The following ARHGEF12 variants were observed in gnomAD, a reference collection of about 807,000 sequenced individuals.
ARHGEF12 encodes KMT2A/ARHGEF12 fusion protein.
ARHGEF12 carries 66 observed loss-of-function variants against 211.2 expected under a neutral mutation model. The observed-to-expected ratio is 0.31, with a 90% CI of 0.26 to 0.38. The LOEUF (loss-of-function observed/expected upper bound fraction) is 0.38. Among genes scored for constraint, ARHGEF12 ranks in the 10% least tolerant of loss-of-function variants. ARHGEF12 has a pLI of 1.00. For synonymous variants in ARHGEF12, 592 were observed against 638.4 expected, an observed-to-expected ratio of 0.93 and a Z score of 1.09; for missense variants, 1,429 against 1,869.5, an observed-to-expected ratio of 0.76 and a Z score of 4.34.
intron 13 of ARHGEF12, 97 bp from the exon 14 acceptor site, chr11:120,441,610 T>C (rs1945870244): frequency 1.1e-6 from 1 of 886,006 alleles, no homozygotes; most frequent in Non-Finnish European, 1.7e-6. Flanking sequence ...TATAGGGAGA[T>C]CAAAGTGAAA....
In ARHGEF12 at chr11:120,451,497, T is replaced by A; in HGVS notation, c.1844-15T>A. ...CAGCCGCAATACAGATTATTAACCATCATTTTCTGATCAGTTGGCAGAGCC... is the reference window on the plus strand; with the variant it reads ...CAGCCGCAATACAGATTATTAACCAACATTTTCTGATCAGTTGGCAGAGCC... On this transcript the variant is annotated splice_polypyrimidine_tract_variant and intron_variant, in intron 21 of 40. Coordinates refer to ENST00000397843, the MANE Select transcript of ARHGEF12 (RefSeq NM_015313.3). The A allele has an allele frequency of 6.2e-7, 1 of 1,613,322 alleles. No individual in the cohort carries two copies. Among genetic ancestry groups the A allele is most frequent in the Non-Finnish European group, 8.5e-7 (1 of 1,179,788 alleles).
Position 120,336,908 on chromosome 11 carries a change from C to T in ARHGEF12, c.-336C>T, listed in dbSNP as rs1942366755. 2 of 427,832 alleles carry T rather than the reference C, an allele frequency of 4.7e-6. No individual in the cohort carries two copies. Among genetic ancestry groups the T allele is most frequent in the African/African-American group, 2.0e-5 (1 of 48,988 alleles). 26.5% of individuals were successfully genotyped at this position (427,832 alleles called of 1,614,324 possible). On this transcript the variant is annotated 5_prime_UTR_variant, in exon 1 of 41. Coordinates refer to ENST00000397843, the MANE Select transcript of ARHGEF12 (RefSeq NM_015313.3). Reference sequence around the variant, plus strand: ...TGAGCTGATCCCGCCCCAGCCCCGGCGGGAGTCCCGGGTCCCCTTCCCACT... The same window carrying T: ...TGAGCTGATCCCGCCCCAGCCCCGGTGGGAGTCCCGGGTCCCCTTCCCACT...
rs1947388675 is a variant in ARHGEF12, at chr11:120,486,030, G to A, written c.*953G>A. 9.8e-6 allele frequency: 2 copies of A among 205,086 alleles called. No individual in the cohort carries two copies. Among genetic ancestry groups the A allele is most frequent in the Admixed American group, 6.0e-5 (1 of 16,758 alleles). 12.7% of individuals were successfully genotyped at this position (205,086 alleles called of 1,614,324 possible). A position where few individuals can be genotyped will look rare whatever the true frequency, so the allele number is the denominator to read the frequency against. ...ACTGTCCCTGCAGATTGAGCAGGAA[G>A]TAAAAACAAATGGAAATGCTTCGGA... On this transcript the variant is annotated 3_prime_UTR_variant, in exon 41 of 41. Transcript: ENST00000397843.
At chr11:120,339,684 C>T (rs1349290615) in intron 1 of ARHGEF12, among the ~76,000 whole-genome samples, 1 of 152,132 alleles carries the variant, frequency 6.6e-6, no homozygotes, top group Non-Finnish European at 1.5e-5. Context: ...TGAAATCAGA[C>T]TAGCTGGTTT....
intron 1 of ARHGEF12, among the ~76,000 whole-genome samples, chr11:120,395,798 C>T (rs1316906884): frequency 2.6e-5 from 4 of 152,040 alleles, no homozygotes; most frequent in Non-Finnish European, 4.4e-5. Flanking sequence ...CCCACCAGGT[C>T]CCTCCCACAC....
At chr11:120,390,008 C>T (rs1027344361) in intron 1 of ARHGEF12, among the ~76,000 whole-genome samples, 6 of 152,148 alleles carry the variant, frequency 3.9e-5, no homozygotes, top group African/African-American at 1.2e-4. Flanking sequence ...GATAACCCTT[C>T]GATATCCAGG....
chr11:120,403,057 A>G (rs909656325), intron 1 of ARHGEF12, among the ~76,000 whole-genome samples: 2 of 152,204 alleles, frequency 1.3e-5, no homozygotes, highest in Non-Finnish European at 2.9e-5. Context: ...CTACACTGTA[A>G]TAACACATCG....
Position 120,481,483 on chromosome 11 carries a change from T to A in ARHGEF12, c.4461T>A (p.Cys1487Ter), listed in dbSNP as rs572010079. 6.2e-7 allele frequency: 1 copy of A among 1,614,182 alleles called. No individual in the cohort carries two copies. Among genetic ancestry groups the A allele is most frequent in the Non-Finnish European group, 8.5e-7 (1 of 1,180,030 alleles). Residue 1487 changes from cysteine (C) to a stop codon, truncating the protein, a stop_gained, in exon 39 of 41, where the codon TGT (cysteine) becomes TGA (stop). Transcript: ENST00000397843. LOFTEE classifies it high-confidence loss of function. ...GCTGGGGAGCTATGGAGTATTCCTG[T>A]TTTGAGATCCAGAGTCCCTCCTCTT... ...QQRWGAMEYS[C>*]FEIQSPSSCA...
At chr11:120,465,201 C>T (rs1183855129) in intron 27 of ARHGEF12, 36 bp from the exon 28 acceptor site, 1 of 1,611,364 alleles carries the variant, frequency 6.2e-7, no homozygotes, top group Non-Finnish European at 8.5e-7. Flanking sequence ...GCTCAGTTTC[C>T]CATTCTCTTT....
chr11:120,469,988 C>A (rs1049585605), intron 30 of ARHGEF12, among the ~76,000 whole-genome samples: 1 of 151,992 alleles, frequency 6.6e-6, no homozygotes, highest in African/African-American at 2.4e-5. Context: ...AAAGTCCTGA[C>A]GGAAAAAGAA....
chr11:120,375,714 A>G lies in ARHGEF12; in HGVS notation c.33-30404A>G, dbSNP rs11823323. On this transcript the variant is annotated intron_variant, in intron 1 of 40. Coordinates refer to ENST00000397843, the MANE Select transcript of ARHGEF12 (RefSeq NM_015313.3). ...CATTTGTTACTGAACCAGTGTTAAC[A>G]TTAATATTAATTAAAGTCTGTAGTT... Among the ~76,000 whole-genome samples the G allele has an allele frequency of 6.2e-3, 943 of 152,254 alleles. 8 individuals are homozygous for G. Among genetic ancestry groups the G allele is most frequent in the African/African-American group, 0.022 (896 of 41,542 alleles).
In ARHGEF12 at chr11:120,435,613, C is replaced by T. The variant is rs1377251185; in HGVS notation, c.925-1695C>T. On this transcript the variant is annotated intron_variant, in intron 11 of 40. Coordinates refer to ENST00000397843, the MANE Select transcript of ARHGEF12 (RefSeq NM_015313.3). ...CACTGCAACCTCCGCCTCCCGGGTT[C>T]GTGCCATTCTCCTGCCTCAGCCTTC... 3.4e-5 allele frequency among the ~76,000 whole-genome samples: 5 copies of T among 147,812 alleles called. 1 individual carries two copies. The highest frequency in any genetic ancestry group is 2.1e-4 in the Admixed American group (3 of 14,424).
chr11:120,481,044 T>C (rs948195954), intron 38 of ARHGEF12, among the ~76,000 whole-genome samples: 6 of 152,172 alleles, frequency 3.9e-5, no homozygotes, highest in Non-Finnish European at 8.8e-5. Flanking sequence ...CTTTAAACTT[T>C]TGAAATGAAA....
At chr11:120,483,258 CTTTTTTT>C (rs777120176) in intron 39 of ARHGEF12, among the ~76,000 whole-genome samples, 1 of 97,504 alleles carries the variant, frequency 1.0e-5, no homozygotes, top group African/African-American at 4.0e-5. Context: ...CCATAATAAT[CTTTTTTT>C]TTTTTTTTTT....
At chr11:120,389,832 T>C (rs934772485) in intron 1 of ARHGEF12, among the ~76,000 whole-genome samples, 1 of 152,186 alleles carries the variant, frequency 6.6e-6, no homozygotes, top group Non-Finnish European at 1.5e-5. Context: ...TCCATTTCCA[T>C]CCATCTTGTT....
intron 12 of ARHGEF12, chr11:120,438,465 G>A (rs1317136169): frequency 6.6e-6 from 1 of 151,904 alleles, no homozygotes. Context: ...TTTTTTTTTG[G>A]AATATTAAAG....
In ARHGEF12 at chr11:120,449,158, G is replaced by T; in HGVS notation, c.1787G>T (p.Gly596Val). 1 of 1,614,110 alleles carries T rather than the reference G, an allele frequency of 6.2e-7. No homozygotes were observed. Among genetic ancestry groups the T allele is most frequent in the Non-Finnish European group, 8.5e-7 (1 of 1,180,000 alleles). Residue 596 changes from glycine (G) to valine (V), a missense_variant, in exon 21 of 41, where the codon GGA becomes GTA. Transcript: ENST00000397843. ...GGGGAAGAAAAAGGGAAGCGAAGAGGATTCCCCAGCATCCTGGGACCCCCA... is the reference window on the plus strand; with the variant it reads ...GGGGAAGAAAAAGGGAAGCGAAGAGTATTCCCCAGCATCCTGGGACCCCCA... ...KEGEEKGKRRGFPSILGPPRR... is the reference protein window; with the variant it reads ...KEGEEKGKRRVFPSILGPPRR...
chr11:120,457,611 A>G lies in ARHGEF12; in HGVS notation c.2190-110A>G, dbSNP rs1405146890. On this transcript the variant is annotated intron_variant, in intron 23 of 40. Coordinates refer to ENST00000397843, the MANE Select transcript of ARHGEF12 (RefSeq NM_015313.3). ...ATATTAAATTATTACAATATCCCAA[A>G]GAATTATTTATCAAGCTGCTGGAGT... 4.5e-5 allele frequency: 32 copies of G among 713,250 alleles called. No homozygotes were observed. In the East Asian group the frequency reaches 6.6e-4, roughly 15 times the overall value. 44.2% of individuals were successfully genotyped at this position (713,250 alleles called of 1,614,324 possible). A position where few individuals can be genotyped will look rare whatever the true frequency, so the allele number is the denominator to read the frequency against.
intron 16 of ARHGEF12, among the ~76,000 whole-genome samples, 164 bp from the exon 17 acceptor site, chr11:120,446,233 ATAATAG>A: frequency 7.0e-6 from 1 of 143,662 alleles, no homozygotes. Context: ...AATAATAATA[ATAATAG>A]AGTAAATGAA....
Sources: allele counts gnomAD v4.1 joint callset (sites outside exome capture counted in the v4.1 genomes callset), GRCh38; gene constraint gnomAD v4.1.1; transcripts MANE v1.5; gene names NCBI Gene and HGNC (gene_info 2026-07-23, HGNC 2026-07-21).